CHD6: variants seen among roughly 807,000 people sequenced by gnomAD.
The protein encoded by CHD6 is ATP-dependent chromatin remodeler CHD6.
CHD6 carries 50 observed loss-of-function variants against 276.9 expected under a neutral mutation model. The ratio of observed to expected loss-of-function variants is 0.18; its 90% CI spans 0.14 to 0.23. The LOEUF is 0.23. CHD6 is among the 10% of genes least tolerant of loss of function. The probability of loss-of-function intolerance (pLI) is 1.00; values close to 1 mark genes in which losing one functional copy is unlikely to be tolerated. For missense variants in CHD6, 2,564 were observed against 3,365.8 expected, an observed-to-expected ratio of 0.76 and a Z score of 5.89; for synonymous variants, 1,173 against 1,229.3, an observed-to-expected ratio of 0.95 and a Z score of 0.96.
chr20:41,424,575 C>T (rs1437471421), intron 29 of CHD6, among the ~76,000 whole-genome samples: 2 of 152,166 alleles, frequency 1.3e-5, no homozygotes, highest in Non-Finnish European at 2.9e-5. Context: ...ATTTGTTATG[C>T]AGTCTTCTTT....
In CHD6 at chr20:41,497,462, G is replaced by A. The variant is rs1413273190; in HGVS notation, c.1014C>T (p.Leu338=). Residue 338 remains leucine, a synonymous_variant, in exon 8 of 37, where the codon CTC becomes CTT. Coordinates refer to ENST00000373233, the MANE Select transcript of CHD6 (RefSeq NM_032221.5). ...TCTGTGCGATGCGAGGATCCTTTTC[G>A]AGCTCTTCCATTGTGGCCCATTTAC... ...LHCKWATMEE[L]EKDPRIAQKI... is the part of the protein sequence containing the mutation. The A allele has an allele frequency of 5.6e-6, 9 of 1,613,654 alleles. No individual in the cohort carries two copies. Among genetic ancestry groups the A allele is most frequent in the African/African-American group, 1.3e-5 (1 of 74,882 alleles).
Position 41,489,784 on chromosome 20 carries a change from G to A in CHD6, c.1674C>T (p.Asp558=), listed in dbSNP as rs200181391. 5.0e-5 allele frequency: 80 copies of A among 1,613,824 alleles called. No individual in the cohort carries two copies. The highest frequency in any genetic ancestry group is 2.0e-4 in the Admixed American group (12 of 59,998). The change falls in exon 12 of 37, where the codon GAC becomes GAT. Residue 558 remains aspartate (D), a synonymous_variant. Transcript: ENST00000373233. Reference sequence around the variant, plus strand: ...GATCTCACGTGAGGCTCACCTGGGCGTCTCTGTACACCATTTCATACTGCT... The same window carrying A: ...GATCTCACGTGAGGCTCACCTGGGCATCTCTGTACACCATTTCATACTGCT... ...MIQQYEMVYR[D]AQGNPLSGVF...
At chr20:41,530,115 A>G (rs6072405) in intron 3 of CHD6, among the ~76,000 whole-genome samples, 71,346 of 152,034 alleles carry the variant, frequency 0.47, 18,081 homozygotes, top group African/African-American at 0.67. Flanking sequence ...CTCAAGTGAG[A>G]GAGTAACAGC....
rs2045662767 is a variant in CHD6, at chr20:41,591,673, A to G, written c.-24+26667T>C. On this transcript the variant is annotated intron_variant, in intron 1 of 36. Coordinates refer to ENST00000373233, the MANE Select transcript of CHD6 (RefSeq NM_032221.5). ...GCACCATTGCACTCCAGCCTGGGCA[A>G]CAAGAATGAAACTCCAAATCAAAAG... is the stretch of plus-strand genomic sequence containing the variant. Among the ~76,000 whole-genome samples, 8 of 152,286 alleles carry G rather than the reference A, an allele frequency of 5.3e-5. No individual in the cohort carries two copies. The South Asian group carries it at 1.7e-3, about 32-fold the overall frequency.
chr20:41,417,514 C>T (rs138541232), intron 31 of CHD6, among the ~76,000 whole-genome samples, 165 bp from the exon 32 acceptor site: 95 of 152,268 alleles, frequency 6.2e-4, no homozygotes, highest in African/African-American at 2.1e-3. Context: ...CCAGGAGAAC[C>T]GTATCAGTTA....
intron 20 of CHD6, 26 bp downstream of exon 20, chr20:41,454,600 T>C: frequency 6.6e-7 from 1 of 1,524,878 alleles, no homozygotes; most frequent in Non-Finnish European, 9.1e-7. Flanking sequence ...GAATGTTCCA[T>C]GGAATAAAAT....
intron 1 of CHD6, among the ~76,000 whole-genome samples, chr20:41,592,135 C>T (rs1009742482): frequency 1.3e-5 from 2 of 152,194 alleles, no homozygotes; most frequent in African/African-American, 4.8e-5. Flanking sequence ...ATCAGACTCC[C>T]GTGAGTCCAA....
At chr20:41,593,760 A>C (rs1488853987) in intron 1 of CHD6, among the ~76,000 whole-genome samples, 1 of 152,198 alleles carries the variant, frequency 6.6e-6, no homozygotes, top group Non-Finnish European at 1.5e-5. Context: ...TATCCTTACA[A>C]AAAGATGAGA....
At chr20:41,532,993 G>A in intron 3 of CHD6, 57 bp downstream of exon 3, 4 of 1,522,438 alleles carry the variant, frequency 2.6e-6, no homozygotes, top group Non-Finnish European at 3.5e-6. Context: ...AATGCCAAAG[G>A]CAAATCGTTC....
At chr20:41,551,987 T>C (rs1230012717) in intron 1 of CHD6, among the ~76,000 whole-genome samples, 2 of 152,184 alleles carry the variant, frequency 1.3e-5, no homozygotes, top group Non-Finnish European at 2.9e-5. Flanking sequence ...ATAATGTCCT[T>C]GACAACACTG....
At chr20:41,494,815 T>C (rs1041167281) in intron 8 of CHD6, among the ~76,000 whole-genome samples, 4 of 152,212 alleles carry the variant, frequency 2.6e-5, no homozygotes, top group African/African-American at 9.6e-5. Context: ...GATTCAATTA[T>C]TCCCAACTAA....
At chr20:41,497,798 T>C (rs550245731) in intron 7 of CHD6, 1 of 458,350 alleles carries the variant, frequency 2.2e-6, no homozygotes, top group Admixed American at 3.6e-5. Context: ...AAAGTGGGTC[T>C]GTAGCAGAAA....
intron 2 of CHD6, among the ~76,000 whole-genome samples, chr20:41,544,563 G>A (rs1483107997): frequency 2.0e-5 from 3 of 151,692 alleles, no homozygotes; most frequent in South Asian, 2.1e-4. Context: ...TGCTAGTGAC[G>A]TATTTGATAA....
At chr20:41,495,579 A>T (rs758761464) in intron 8 of CHD6, among the ~76,000 whole-genome samples, 1 of 152,134 alleles carries the variant, frequency 6.6e-6, no homozygotes, top group African/African-American at 2.4e-5. Context: ...TATATATTTG[A>T]AATTTGCTAA....
chr20:41,517,440 AC>A (rs1231321148), intron 3 of CHD6, among the ~76,000 whole-genome samples: 7 of 152,224 alleles, frequency 4.6e-5, no homozygotes, highest in African/African-American at 1.4e-4. Flanking sequence ...AGTTAAAAAA[AC>A]AAAACAAAAC....
intron 2 of CHD6, among the ~76,000 whole-genome samples, chr20:41,542,329 C>A (rs1453473625): frequency 6.6e-6 from 1 of 152,172 alleles, no homozygotes; most frequent in Admixed American, 6.5e-5. Flanking sequence ...AGGCCCTAGG[C>A]CCAAAACTTA....
At chr20:41,434,665 T>G (rs1417710544) in intron 27 of CHD6, among the ~76,000 whole-genome samples, 1 of 152,136 alleles carries the variant, frequency 6.6e-6, no homozygotes, top group East Asian at 1.9e-4. Flanking sequence ...TCACCGCGCC[T>G]GGCAAGAACA....
At chr20:41,504,168 C>G (rs1384073011) in intron 5 of CHD6, among the ~76,000 whole-genome samples, 1 of 144,896 alleles carries the variant, frequency 6.9e-6, no homozygotes, top group Non-Finnish European at 1.5e-5. Context: ...TTACCTTTTG[C>G]TCTGTTTGAT....
At chr20:41,497,945 T>C in intron 7 of CHD6, 1 of 524,124 alleles carries the variant, frequency 1.9e-6, no homozygotes, top group South Asian at 2.3e-5. Context: ...CCAATGGTCT[T>C]GGGTGGAGCA....
Sources: gnomAD v4.1 joint callset for allele counts (sites outside exome capture counted in the v4.1 genomes callset) on GRCh38, gnomAD v4.1.1 for gene constraint, MANE v1.5 for transcripts, NCBI Gene and HGNC (gene_info 2026-07-23, HGNC 2026-07-21) for gene names.